TUT7: variants seen among roughly 807,000 people sequenced by gnomAD.
The protein encoded by TUT7 is terminal uridylyltransferase 7.
A neutral mutation model predicts 165.9 loss-of-function variants in TUT7; 33 were observed. The ratio of observed to expected loss-of-function variants is 0.20; its 90% CI spans 0.15 to 0.27. TUT7 has a LOEUF of 0.27. TUT7 is among the 10% of genes least tolerant of loss of function. The pLI, the probability that TUT7 is intolerant of heterozygous loss-of-function variation, is 1.00. For synonymous variants in TUT7, 552 were observed against 608.1 expected, an observed-to-expected ratio of 0.91 and a Z score of 1.36; for missense variants, 1,338 against 1,762.3, an observed-to-expected ratio of 0.76 and a Z score of 4.31.
intron 18 of TUT7, 61 bp from the exon 19 acceptor site, chr9:86,310,078 T>TC: frequency 6.9e-7 from 1 of 1,451,446 alleles, no homozygotes; most frequent in South Asian, 1.2e-5. Flanking sequence ...CTCTTTTTTT[T>TC]TTTTGGTTGT....
At chr9:86,352,439 A>G in intron 2 of TUT7, 1 of 584,358 alleles carries the variant, frequency 1.7e-6, no homozygotes, top group Non-Finnish European at 3.0e-6. Flanking sequence ...ATGTTTACTG[A>G]CGTAAAGTGA....
At chr9:86,350,223 C>G (rs1342018885) in intron 2 of TUT7, among the ~76,000 whole-genome samples, 2 of 152,064 alleles carry the variant, frequency 1.3e-5, no homozygotes, top group Non-Finnish European at 2.9e-5. Flanking sequence ...CCCAGCCACT[C>G]AGGAGGCTGA....
At position 86,303,161 on chromosome 9, in the gene TUT7, A is replaced by T. The variant is rs779983516; in HGVS notation, c.4019T>A (p.Leu1340Gln). The T allele has an allele frequency of 2.3e-5, 37 of 1,610,706 alleles. No individual in the cohort carries two copies. Among genetic ancestry groups the T allele is most frequent in the Non-Finnish European group, 2.5e-6 (3 of 1,178,316 alleles). ...TCGACAACATCTATCATTTGGGGCC[A>T]GCTCTCCTTCAGTTAACACATCTGG... is the stretch of plus-strand genomic sequence containing the variant. ...FDPDVLTEGE[L>Q]APNDRCCRIC... The change falls in exon 25 of 27, where the codon CTG (leucine) becomes CAG (glutamine). Residue 1340 changes from leucine to glutamine, a missense_variant. By Grantham distance (113) the Leu-to-Gln change is moderately radical (BLOSUM62 -2). Around this residue, in one of 7 missense-constraint regions of TUT7, gnomAD observed 167 missense variants for 204.9 expected, o/e 0.82. Transcript: ENST00000375963.
rs755194904 is a variant in TUT7, at chr9:86,323,896, T to A, written c.1854A>T (p.Ile618=). ...TGTATGTTGTCCTTAAACAATGAAG[T>A]ATATATTCAAACACAGGTTGACTAT... The part of the protein sequence containing the change: ...TLNSQPVFEY[I]LHCLRTTYKY... Residue 618 remains isoleucine, a synonymous_variant, in exon 13 of 27, where the codon ATA becomes ATT. Transcript: ENST00000375963. 6.8e-6 allele frequency: 11 copies of A among 1,613,160 alleles called. No homozygotes were observed. In the African/African-American group the frequency reaches 1.3e-4, roughly 20 times the overall value.
chr9:86,291,113 C>T (rs1031644547), intron 26 of TUT7, among the ~76,000 whole-genome samples: 2 of 152,000 alleles, frequency 1.3e-5, no homozygotes, highest in Admixed American at 6.6e-5. Flanking sequence ...TGGCAATACA[C>T]ACAAAAAGTT....
At chr9:86,325,267 G>A in intron 12 of TUT7, 67 bp downstream of exon 12, 3 of 1,453,140 alleles carry the variant, frequency 2.1e-6, no homozygotes, top group Non-Finnish European at 2.8e-6. Flanking sequence ...GAAATAAAAA[G>A]CATGCTGTTA....
chr9:86,298,661 A>G (rs1194833619), intron 26 of TUT7: 1 of 434,034 alleles, frequency 2.3e-6, no homozygotes, highest in Admixed American at 6.4e-5. Flanking sequence ...TCTGATGTCC[A>G]ATCCCTGTTA....
At chr9:86,324,991 A>T (rs760496831) in intron 12 of TUT7, among the ~76,000 whole-genome samples, 2 of 152,238 alleles carry the variant, frequency 1.3e-5, no homozygotes, top group African/African-American at 4.8e-5. Context: ...GGACTGAATT[A>T]AAAAATCCAG....
intron 16 of TUT7, 122 bp from the exon 17 acceptor site, chr9:86,317,398 T>C (rs1828819854): frequency 2.2e-5 from 19 of 859,194 alleles, no homozygotes; most frequent in Non-Finnish European, 3.5e-5. Context: ...TATCTATTTT[T>C]TTCCTTTCTA....
At chr9:86,330,641 G>T (rs1411911638) in intron 10 of TUT7, among the ~76,000 whole-genome samples, 1 of 152,106 alleles carries the variant, frequency 6.6e-6, no homozygotes, top group Admixed American at 6.5e-5. Flanking sequence ...ATTTTAGTAT[G>T]TTAAGAAATC....
chr9:86,331,366 C>A (rs998237709), intron 10 of TUT7, among the ~76,000 whole-genome samples: 2 of 152,130 alleles, frequency 1.3e-5, no homozygotes, highest in African/African-American at 4.8e-5. Context: ...TTAATTAGGT[C>A]AAGGCGGTTG....
chr9:86,293,626 G>C (rs896935572), intron 26 of TUT7, among the ~76,000 whole-genome samples: 3 of 152,182 alleles, frequency 2.0e-5, no homozygotes, highest in African/African-American at 7.2e-5. Flanking sequence ...CACAATTTGG[G>C]AATATTGGCA....
At chr9:86,350,673 T>C (rs373696388) in intron 2 of TUT7, among the ~76,000 whole-genome samples, 31 of 152,338 alleles carry the variant, frequency 2.0e-4, no homozygotes, top group African/African-American at 7.0e-4. Flanking sequence ...AAAACTGTGA[T>C]TCCATTTTTG....
Position 86,345,674 on chromosome 9 carries a change from T to A in TUT7, c.814A>T (p.Ile272Phe). 1 of 1,606,986 alleles carries A rather than the reference T, an allele frequency of 6.2e-7. No individual in the cohort carries two copies. Among genetic ancestry groups the A allele is most frequent in the Non-Finnish European group, 8.5e-7 (1 of 1,174,232 alleles). ...TTGGGTTACATTCAATTTACCTTAA[T>A]GTTTTTCTTGTGCCTCTTTTCCTTG... ...HIKEKRHKKN[I>F]KEKQEEELLT... Residue 272 changes from isoleucine to phenylalanine, a missense_variant, in exon 4 of 27, where the codon ATT becomes TTT. This residue lies in a region of TUT7 where 434 missense variants were observed against 480.8 expected (regional missense o/e 0.90). Coordinates refer to ENST00000375963, the MANE Select transcript of TUT7 (RefSeq NM_024617.4).
Position 86,345,801 on chromosome 9 carries a change from AT to A in TUT7, c.703-17del. Reference sequence around the variant, plus strand: ...TTCGTGGTCGCTATAATTTGAAGAGATTTATTTAGAGAGAGACATAAGTAAA... The same window carrying A: ...TTCGTGGTCGCTATAATTTGAAGAGATTATTTAGAGAGAGACATAAGTAAA... On this transcript the variant is annotated splice_polypyrimidine_tract_variant and intron_variant, in intron 3 of 26. Transcript: ENST00000375963. The A allele has an allele frequency of 6.5e-7, 1 of 1,542,416 alleles. No homozygotes were observed. The highest frequency in any genetic ancestry group is 8.9e-7 in the Non-Finnish European group (1 of 1,121,946).
chr9:86,301,780 G>T lies in TUT7; in HGVS notation c.4095-179C>A, dbSNP rs998670025. ...TCTTCTCTGTTAAGATGCTCCCTCA[G>T]GGTTTAAGGGTGCAGTTTTTCTTCT... On this transcript the variant is annotated intron_variant, in intron 25 of 26. Transcript: ENST00000375963. The T allele has an allele frequency of 3.0e-6, 3 of 985,244 alleles. No homozygotes were observed. In the African/African-American group the frequency reaches 5.2e-5, roughly 17 times the overall value. 61.0% of individuals were successfully genotyped at this position (985,244 alleles called of 1,614,324 possible).
At chr9:86,337,621 C>T (rs1186566493) in intron 9 of TUT7, 83 bp from the exon 10 acceptor site, 5 of 1,459,666 alleles carry the variant, frequency 3.4e-6, no homozygotes, top group Non-Finnish European at 4.6e-6. Context: ...CCTGTAACCT[C>T]ATTCTTGTTT....
chr9:86,291,876 C>T (rs1825927724), intron 26 of TUT7, among the ~76,000 whole-genome samples: 1 of 152,138 alleles, frequency 6.6e-6, no homozygotes, highest in Non-Finnish European at 1.5e-5. Flanking sequence ...CATACATGCT[C>T]AAGGGGACTT....
At chr9:86,344,940 T>C in intron 5 of TUT7, 37 bp downstream of exon 5, 1 of 1,554,562 alleles carries the variant, frequency 6.4e-7, no homozygotes, top group South Asian at 1.2e-5. Flanking sequence ...TGAGGTACTT[T>C]TAGGTAGTTA....
Sources: allele counts gnomAD v4.1 joint callset (sites outside exome capture counted in the v4.1 genomes callset), GRCh38; gene constraint gnomAD v4.1.1; regional missense constraint gnomAD v4.1.1; transcripts MANE v1.5; gene names NCBI Gene and HGNC (gene_info 2026-07-23, HGNC 2026-07-21).